CCDC152: variants seen among roughly 807,000 people sequenced by gnomAD.
CCDC152 encodes the protein coiled-coil domain-containing protein 152.
Under a neutral mutation model 38.1 loss-of-function variants are expected in CCDC152, and 37 were observed. The observed-to-expected ratio is 0.97, with a 90% CI of 0.75 to 1.28. The LOEUF (loss-of-function observed/expected upper bound fraction) is 1.28. Among genes scored for constraint, CCDC152 ranks in the 50% most tolerant of loss-of-function variants. CCDC152 has a pLI of 0.00. For synonymous variants in CCDC152, 83 were observed against 87.1 expected (o/e 0.95, Z 0.26); for missense variants, 259 against 292.1 (o/e 0.89, Z 0.83).
In CCDC152 at chr5:42,796,874, A is replaced by G. The variant is rs1760082679; in HGVS notation, c.476A>G (p.Glu159Gly). The G allele has an allele frequency of 1.3e-6, 2 of 1,528,032 alleles. No homozygotes were observed. Among genetic ancestry groups the G allele is most frequent in the East Asian group, 2.5e-5 (1 of 40,052 alleles). 94.7% of individuals were successfully genotyped at this position (1,528,032 alleles called of 1,614,324 possible). Reference protein sequence around the residue: ...EKHKELIEKKEMEISELNAKL... With the variant: ...EKHKELIEKKGMEISELNAKL... ...CACAAAGAACTAATAGAGAAAAAGG[A>G]GATGGAAATTTCAGAGTTAAATGCA... The change falls in exon 7 of 9, where the codon GAG (glutamate) becomes GGG (glycine). Residue 159 changes from glutamate (E) to glycine (G), a missense_variant. By Grantham distance (98) the Glu-to-Gly change is moderately conservative. Transcript: ENST00000361970.
chr5:42,787,292 A>G lies in CCDC152; in HGVS notation c.430+3716A>G, dbSNP rs373771295. ...GTCTAGTCTGTTGCTAAAACTCTCA[A>G]CTATATTTTAAAATTCCTTTAGTGA... On this transcript the variant is annotated intron_variant, in intron 6 of 8. Transcript: ENST00000361970. Among the ~76,000 whole-genome samples, 48 of 151,928 alleles carry G rather than the reference A, an allele frequency of 3.2e-4. No homozygotes were observed. In the South Asian group the frequency reaches 1.0e-2, roughly 32 times the overall value.
At chr5:42,780,212 C>G (rs1440899244) in intron 5 of CCDC152, among the ~76,000 whole-genome samples, 1 of 152,096 alleles carries the variant, frequency 6.6e-6, no homozygotes, top group Non-Finnish European at 1.5e-5. Flanking sequence ...TCTATAGGAG[C>G]TTTCAACTTG....
chr5:42,795,345 G>T (rs183976774), intron 6 of CCDC152, among the ~76,000 whole-genome samples: 135 of 152,148 alleles, frequency 8.9e-4, no homozygotes, highest in African/African-American at 3.0e-3. Flanking sequence ...GATTTACCAG[G>T]GAAATAAAAC....
intron 4 of CCDC152, among the ~76,000 whole-genome samples, chr5:42,777,188 T>C (rs1284033014): frequency 6.6e-6 from 1 of 152,058 alleles, no homozygotes; most frequent in African/African-American, 2.4e-5. Context: ...GAGAGATTAC[T>C]CAAGTTAATA....
chr5:42,792,766 T>C (rs1462640569), intron 6 of CCDC152, among the ~76,000 whole-genome samples: 3 of 152,172 alleles, frequency 2.0e-5, no homozygotes, highest in Non-Finnish European at 4.4e-5. Flanking sequence ...CACAGTAGTA[T>C]TCCTTCCATA....
chr5:42,762,564 C>T lies in CCDC152; in HGVS notation c.193+16C>T. On this transcript the variant is annotated intron_variant, in intron 3 of 8. Coordinates refer to ENST00000361970, the MANE Select transcript of CCDC152 (RefSeq NM_001134848.2). ...ATTAAAGAAGGTTAGTTATTTGCTG[C>T]CTGAGGAATGCTAATTCTAATGAAA... 8.1e-7 allele frequency: 1 copy of T among 1,240,276 alleles called. No homozygotes were observed. Among genetic ancestry groups the T allele is most frequent in the Non-Finnish European group, 1.2e-6 (1 of 865,752 alleles). 76.8% of individuals were successfully genotyped at this position (1,240,276 alleles called of 1,614,324 possible). A position where few individuals can be genotyped will look rare whatever the true frequency, so the allele number is the denominator to read the frequency against.
intron 3 of CCDC152, among the ~76,000 whole-genome samples, chr5:42,768,571 T>C (rs773814249): frequency 4.6e-5 from 7 of 152,204 alleles, no homozygotes; most frequent in Non-Finnish European, 8.8e-5. Flanking sequence ...TCAGCAGCCA[T>C]TGGCAGCACA....
Position 42,772,947 on chromosome 5 carries a change from C to A in CCDC152, c.262+3282C>A, listed in dbSNP as rs556961016. Among the ~76,000 whole-genome samples the A allele has an allele frequency of 4.6e-5, 7 of 152,280 alleles. No individual in the cohort carries two copies. In the East Asian group the frequency reaches 1.4e-3, roughly 29 times the overall value. On this transcript the variant is annotated intron_variant, in intron 4 of 8. Coordinates refer to ENST00000361970, the MANE Select transcript of CCDC152 (RefSeq NM_001134848.2). ...CACCCTTCATTCACTTAACCATATG[C>A]CTCAGGGGAAGCTGATCGCATCCAA...
At chr5:42,787,643 T>A (rs1163304178) in intron 6 of CCDC152, among the ~76,000 whole-genome samples, 1 of 149,258 alleles carries the variant, frequency 6.7e-6, no homozygotes, top group African/African-American at 2.4e-5. Context: ...TATATAATAG[T>A]AGTTAGGTAA....
chr5:42,769,647 T>A lies in CCDC152; in HGVS notation c.244T>A (p.Tyr82Asn). The change falls in exon 4 of 9, where the codon TAT becomes AAT. Residue 82 changes from tyrosine (Y) to asparagine (N), a missense_variant. Tyr to Asn is a moderately radical substitution (Grantham distance 143, BLOSUM62 -2). Coordinates refer to ENST00000361970, the MANE Select transcript of CCDC152 (RefSeq NM_001134848.2). ...IIKGLQQTIE[Y>N]QQNLKGENEQ... Reference sequence around the variant, plus strand: ...AAAAGGGCTACAACAGACCATTGAATATCAACAGAATTTGAAAGGTAAGTT... The same window carrying A: ...AAAAGGGCTACAACAGACCATTGAAAATCAACAGAATTTGAAAGGTAAGTT... 1.3e-6 allele frequency: 2 copies of A among 1,486,658 alleles called. No individual in the cohort carries two copies. The highest frequency in any genetic ancestry group is 1.8e-6 in the Non-Finnish European group (2 of 1,115,436). The allele number at this position is 1,486,658 out of a possible 1,614,324, so 92.1% of individuals were successfully genotyped here. A position where few individuals can be genotyped will look rare whatever the true frequency, so the allele number is the denominator to read the frequency against.
At chr5:42,758,483 A>G (rs1759509703) in intron 1 of CCDC152, among the ~76,000 whole-genome samples, 1 of 152,210 alleles carries the variant, frequency 6.6e-6, no homozygotes, top group Non-Finnish European at 1.5e-5. Flanking sequence ...ACTTGTTTAC[A>G]TTACATCTGA....
chr5:42,773,193 C>T (rs1312023320), intron 4 of CCDC152, among the ~76,000 whole-genome samples: 1 of 152,018 alleles, frequency 6.6e-6, no homozygotes, highest in Admixed American at 6.6e-5. Flanking sequence ...AATCAATTAC[C>T]CTTTGGGTTT....
At chr5:42,798,098 C>A (rs1366511818) in intron 7 of CCDC152, among the ~76,000 whole-genome samples, 2 of 152,078 alleles carry the variant, frequency 1.3e-5, no homozygotes, top group South Asian at 2.1e-4. Flanking sequence ...TAGCAGTGAG[C>A]CGAGATTGTG....
chr5:42,763,375 A>G (rs1759581589), intron 3 of CCDC152, among the ~76,000 whole-genome samples: 1 of 152,240 alleles, frequency 6.6e-6, no homozygotes, highest in Admixed American at 6.5e-5. Flanking sequence ...CAGAAGAATT[A>G]CAAATGACTT....
At chr5:42,771,486 TG>T (rs1187244796) in intron 4 of CCDC152, among the ~76,000 whole-genome samples, 5 of 151,804 alleles carry the variant, frequency 3.3e-5, no homozygotes, top group African/African-American at 9.7e-5. Flanking sequence ...ACTAGGAGTT[TG>T]TTTTTTTTGA....
At chr5:42,783,677 T>A in intron 6 of CCDC152, 101 bp downstream of exon 6, 1 of 406,960 alleles carries the variant, frequency 2.5e-6, no homozygotes, top group Non-Finnish European at 3.8e-6. Flanking sequence ...TTTGGGCTTC[T>A]AGTGAACTCA....
intron 2 of CCDC152, among the ~76,000 whole-genome samples, chr5:42,760,303 CAAAAA>C (rs148225690): frequency 9.5e-6 from 1 of 105,786 alleles, no homozygotes; most frequent in Non-Finnish European, 1.9e-5. Flanking sequence ...GACTCCGTCT[CAAAAA>C]AAAAAAAAAA....
chr5:42,758,594 A>T (rs1035061378), intron 1 of CCDC152, among the ~76,000 whole-genome samples: 1 of 152,214 alleles, frequency 6.6e-6, no homozygotes, highest in African/African-American at 2.4e-5. Flanking sequence ...TTGATTTCAT[A>T]GGACTAAAAC....
At chr5:42,778,323 T>C (rs2111561308) in intron 4 of CCDC152, among the ~76,000 whole-genome samples, 1 of 152,214 alleles carries the variant, frequency 6.6e-6, no homozygotes, top group East Asian at 1.9e-4. Context: ...TCATTTCCTG[T>C]CTCCACCCCC....
Sources: gnomAD v4.1 joint callset for allele counts (sites outside exome capture counted in the v4.1 genomes callset) on GRCh38, gnomAD v4.1.1 for gene constraint, MANE v1.5 for transcripts, NCBI Gene and HGNC (gene_info 2026-07-23, HGNC 2026-07-21) for gene names.